Variants in HUNK observed in about 807,000 individuals in gnomAD.
HUNK encodes the protein hormonally up-regulated Neu-associated kinase.
In HUNK, 21 loss-of-function variants were observed where a neutral mutation model predicts 61.0. That is an observed-to-expected ratio of 0.34 (90% confidence interval 0.24 to 0.50). The LOEUF (loss-of-function observed/expected upper bound fraction) is 0.50, where lower values mean the gene tolerates loss of function less well. Among genes scored for constraint, HUNK ranks in the 20% least tolerant of loss-of-function variants. HUNK has a pLI of 0.98. For synonymous variants in HUNK, 371 were observed against 386.1 expected, an observed-to-expected ratio of 0.96 and a Z score of 0.46; for missense variants, 772 against 945.7, an observed-to-expected ratio of 0.82 and a Z score of 2.41.
At chr21:31,947,228 TGCGC>T (rs1203181344) in intron 4 of HUNK, among the ~76,000 whole-genome samples, 29 of 148,554 alleles carry the variant, frequency 2.0e-4, no homozygotes, top group African/African-American at 4.8e-4. Context: ...CAGTGGCGCC[TGCGC>T]ATTCCCACAT....
chr21:31,994,997 C>CT (rs1345704693), intron 9 of HUNK, among the ~76,000 whole-genome samples: 3 of 151,880 alleles, frequency 2.0e-5, no homozygotes, highest in African/African-American at 4.8e-5. Flanking sequence ...TACAAGAAAT[C>CT]TTTTTTTAAA....
intron 1 of HUNK, among the ~76,000 whole-genome samples, chr21:31,878,200 A>C (rs2052279985): frequency 1.4e-5 from 2 of 144,652 alleles, no homozygotes; most frequent in African/African-American, 2.6e-5. Flanking sequence ...TGGAGGTTGC[A>C]GTGAGCCTAG....
intron 1 of HUNK, among the ~76,000 whole-genome samples, chr21:31,887,621 A>G (rs75202716): frequency 0.025 from 3,757 of 152,254 alleles, 151 homozygotes; most frequent in African/African-American, 0.085. Context: ...ACGCTCTTGT[A>G]TGTGACGCTC....
At chr21:31,976,459 C>CTTTTTTTTTTTTTTTTTTTTTTTTT (rs34950116) in intron 7 of HUNK, among the ~76,000 whole-genome samples, 3 of 63,610 alleles carry the variant, frequency 4.7e-5, no homozygotes, top group Admixed American at 2.4e-4. Flanking sequence ...TTTTTTGAGA[C>CTTTTTTTTTTTTTTTTTTTTTTTTT]TTTTTTTTTT....
chr21:31,887,079 G>T (rs1276516911), intron 1 of HUNK, among the ~76,000 whole-genome samples: 4 of 152,202 alleles, frequency 2.6e-5, no homozygotes, highest in Non-Finnish European at 5.9e-5. Context: ...CTCTGGGTGT[G>T]CCTGTCTGGG....
At chr21:31,932,756 T>C (rs1233575992) in intron 2 of HUNK, among the ~76,000 whole-genome samples, 1 of 152,058 alleles carries the variant, frequency 6.6e-6, no homozygotes, top group Admixed American at 6.5e-5. Context: ...GTCTCTCTAG[T>C]GGCCTCTTCT....
chr21:31,998,155 G>A (rs957173715), intron 10 of HUNK, among the ~76,000 whole-genome samples: 7 of 152,180 alleles, frequency 4.6e-5, no homozygotes, highest in African/African-American at 1.2e-4. Flanking sequence ...CTGGGCTCAA[G>A]CAGTCCTCCC....
At position 31,924,737 on chromosome 21, in the gene HUNK, G is replaced by A; in HGVS notation, c.531G>A (p.Leu177=). Residue 177 remains leucine (L), a synonymous_variant, in exon 2 of 11, where the codon CTG becomes CTA. Transcript: ENST00000270112. The surrounding 1 kb of genome is among the most constrained non-coding windows in gnomAD (Gnocchi z 5.1). ...IRQLISAVEH[L]HRAGVVHRDL... ...AGCTCATCTCTGCCGTAGAGCACCT[G>A]CACCGGGCCGGGGTGGTCCACAGGT... The A allele has an allele frequency of 6.2e-7, 1 of 1,611,232 alleles. No individual in the cohort carries two copies. The highest frequency in any genetic ancestry group is 8.5e-7 in the Non-Finnish European group (1 of 1,178,870).
intron 7 of HUNK, among the ~76,000 whole-genome samples, chr21:31,981,781 T>A (rs1242908331): frequency 2.6e-5 from 4 of 152,216 alleles, no homozygotes; most frequent in African/African-American, 7.2e-5. Context: ...TTTCTATATA[T>A]AAGATCGTGT....
intron 2 of HUNK, among the ~76,000 whole-genome samples, chr21:31,936,624 A>G (rs940884952): frequency 6.6e-6 from 1 of 152,190 alleles, no homozygotes; most frequent in African/African-American, 2.4e-5. Flanking sequence ...GGGTGGGAAG[A>G]TAGTGACTTT....
At position 31,999,414 on chromosome 21, in the gene HUNK, G is replaced by C. The variant is rs1037627455; in HGVS notation, c.*230G>C. Reference sequence around the variant, plus strand: ...AGGGGCAGCCAATTCCTATCATTCAGATCTTCCTTCCTCCCAAGTACTCAC... The same window carrying C: ...AGGGGCAGCCAATTCCTATCATTCACATCTTCCTTCCTCCCAAGTACTCAC... On this transcript the variant is annotated 3_prime_UTR_variant, in exon 11 of 11. Transcript: ENST00000270112. 2.0e-6 allele frequency: 1 copy of C among 507,510 alleles called. No individual in the cohort carries two copies. The highest frequency in any genetic ancestry group is 3.5e-6 in the Non-Finnish European group (1 of 289,740). The allele number at this position is 507,510 out of a possible 1,614,324, so 31.4% of individuals were successfully genotyped here.
At chr21:31,932,899 G>A (rs947866042) in intron 2 of HUNK, among the ~76,000 whole-genome samples, 3 of 148,202 alleles carry the variant, frequency 2.0e-5, no homozygotes, top group Non-Finnish European at 3.0e-5. Context: ...ATCCTCCTGC[G>A]CTGCCTTCTT....
rs1468763974 is a variant in HUNK, at chr21:31,873,681, G to A, written c.7G>A (p.Ala3Thr). 2 of 1,017,742 alleles carry A rather than the reference G, an allele frequency of 2.0e-6. No homozygotes were observed. Among genetic ancestry groups the A allele is most frequent in the East Asian group, 1.8e-4 (2 of 11,268 alleles). The allele number at this position is 1,017,742 out of a possible 1,614,324, so 63.0% of individuals were successfully genotyped here. Residue 3 changes from alanine to threonine, a missense_variant, in exon 1 of 11, where the codon GCG becomes ACG. Around this residue, in one of 2 missense-constraint regions of HUNK, gnomAD observed 359 missense variants for 501.3 expected, o/e 0.72. Coordinates refer to ENST00000270112, the MANE Select transcript of HUNK (RefSeq NM_014586.2). The surrounding 1 kb of genome is among the most constrained non-coding windows in gnomAD (Gnocchi z 6.1). MPAAAGDGLLGEP... is the reference protein window; with the variant it reads MPTAAGDGLLGEP... ...GCGGGCCGCGGCGAGCGCGATGCCG[G>A]CGGCGGCGGGGGACGGGCTCCTGGG...
rs140505312 is a variant in HUNK, at chr21:31,998,811, G to A, written c.1772G>A (p.Arg591His). The A allele has an allele frequency of 2.4e-5, 38 of 1,614,038 alleles. No individual in the cohort carries two copies. Among genetic ancestry groups the A allele is most frequent in the Admixed American group, 1.7e-4 (10 of 59,992 alleles). The change falls in exon 11 of 11, where the codon CGC becomes CAC. Residue 591 changes from arginine to histidine, a missense_variant. By Grantham distance (29) the Arg-to-His change is conservative. Around this residue, in one of 2 missense-constraint regions of HUNK, gnomAD observed 413 missense variants for 444.4 expected, o/e 0.93. Coordinates refer to ENST00000270112, the MANE Select transcript of HUNK (RefSeq NM_014586.2). The part of the protein sequence containing the change: ...RILNSPVSLA[R>H]RNSSERTLSP... ...CTGAACTCCCCGGTCAGCTTGGCTC[G>A]CAGAAATTCCAGCGAGAGGACGCTG... is the stretch of plus-strand genomic sequence containing the variant.
At chr21:31,966,219 G>T (rs1330524651) in intron 5 of HUNK, among the ~76,000 whole-genome samples, 1 of 152,094 alleles carries the variant, frequency 6.6e-6, no homozygotes, top group Non-Finnish European at 1.5e-5. Context: ...CTCCATCCAG[G>T]TTGCTGTGAA....
rs1307364593 is a variant in HUNK at position 31,960,611 on chromosome 21, A to G, written c.874+1641A>G. Among the ~76,000 whole-genome samples, 52 of 141,728 alleles carry G rather than the reference A, an allele frequency of 3.7e-4. 1 individual carries two copies. Among genetic ancestry groups the G allele is most frequent in the Admixed American group, 3.2e-3 (48 of 14,864 alleles). The allele number at this position is 141,728 out of a possible 152,430, so 93.0% of individuals were successfully genotyped here. On this transcript the variant is annotated intron_variant, in intron 5 of 10. Transcript: ENST00000270112. ...ACATGGCTGGGGAGGCCTCATAATC[A>G]TGGTGGAATATGAAGGAAGAGCAAA...
At chr21:31,968,182 T>G (rs1358340792) in intron 5 of HUNK, 68 bp from the exon 6 acceptor site, 3 of 1,595,948 alleles carry the variant, frequency 1.9e-6, no homozygotes, top group Non-Finnish European at 2.6e-6. Context: ...TCCCCTGTGA[T>G]GGTGGCTTTC....
intron 1 of HUNK, among the ~76,000 whole-genome samples, chr21:31,882,573 G>A (rs2052315952): frequency 6.6e-6 from 1 of 152,100 alleles, no homozygotes; most frequent in Non-Finnish European, 1.5e-5. Context: ...TATTTATGGG[G>A]TACATGTGAG....
At chr21:31,973,893 A>T (rs1275840326) in intron 6 of HUNK, among the ~76,000 whole-genome samples, 1 of 152,110 alleles carries the variant, frequency 6.6e-6, no homozygotes, top group Non-Finnish European at 1.5e-5. Flanking sequence ...ATTTTATCCC[A>T]AGGAGTTTAT....
Sources: allele counts gnomAD v4.1 joint callset (sites outside exome capture counted in the v4.1 genomes callset), GRCh38; gene constraint gnomAD v4.1.1; regional missense constraint gnomAD v4.1.1; non-coding constraint Gnocchi (gnomAD v3.1); transcripts MANE v1.5; gene names NCBI Gene and HGNC (gene_info 2026-07-23, HGNC 2026-07-21).